Variants in PPP1R12B observed in about 807,000 individuals in gnomAD.
The protein encoded by PPP1R12B is myosin phosphatase target subunit 2.
A neutral mutation model predicts 126.1 loss-of-function variants in PPP1R12B; 76 were observed. That is an observed-to-expected ratio of 0.60 (90% CI 0.50 to 0.73). The LOEUF (loss-of-function observed/expected upper bound fraction) is 0.73. PPP1R12B is among the 30% of genes least tolerant of loss of function. The probability of loss-of-function intolerance (pLI) is 0.00; values close to 1 mark genes in which losing one functional copy is unlikely to be tolerated. For synonymous variants in PPP1R12B, 356 were observed against 434.7 expected, an observed-to-expected ratio of 0.82 and a Z score of 2.25; for missense variants, 1,052 against 1,205.1, an observed-to-expected ratio of 0.87 and a Z score of 1.88.
chr1:202,436,079 G>A (rs917223800), intron 9 of PPP1R12B, among the ~76,000 whole-genome samples: 3 of 151,838 alleles, frequency 2.0e-5, no homozygotes, highest in African/African-American at 7.3e-5. Flanking sequence ...GGGCAACATC[G>A]GAAAACCCCA....
intron 18 of PPP1R12B, among the ~76,000 whole-genome samples, chr1:202,539,183 G>A (rs2148958168): frequency 6.6e-6 from 1 of 152,282 alleles, no homozygotes; most frequent in South Asian, 2.1e-4. Context: ...ATAGTATTCG[G>A]AGCAATCAGC....
At chr1:202,366,295 G>T (rs1659220689) in intron 1 of PPP1R12B, among the ~76,000 whole-genome samples, 1 of 152,024 alleles carries the variant, frequency 6.6e-6, no homozygotes, top group African/African-American at 2.4e-5. Flanking sequence ...GAGGCGGGCA[G>T]ATCACTTGAG....
chr1:202,399,409 T>C (rs1054954863), intron 1 of PPP1R12B, among the ~76,000 whole-genome samples: 1 of 152,026 alleles, frequency 6.6e-6, no homozygotes, highest in African/African-American at 2.4e-5. Flanking sequence ...TTTGTAGAGA[T>C]GAGGGCTCAT....
In PPP1R12B at chr1:202,580,815, G is replaced by A. The variant is rs1253299042; in HGVS notation, c.*255G>A. The A allele has an allele frequency of 4.7e-6, 2 of 429,370 alleles. No homozygotes were observed. The highest frequency in any genetic ancestry group is 8.7e-6 in the Non-Finnish European group (2 of 228,910). The allele number at this position is 429,370 out of a possible 1,614,324, so 26.6% of individuals were successfully genotyped here. ...ATTGTGGTAATTCGAGCCATCTGGA[G>A]AATGCTCTGGGGAGTACACCAGGCT... is the stretch of plus-strand genomic sequence containing the variant. On this transcript the variant is annotated 3_prime_UTR_variant, in exon 24 of 24. Transcript: ENST00000608999.
rs558086940 is a variant in PPP1R12B, at chr1:202,409,555, C to T, written c.292-7232C>T. Among the ~76,000 whole-genome samples, 13 of 152,188 alleles carry T rather than the reference C, an allele frequency of 8.5e-5. No individual in the cohort carries two copies. In the South Asian group the frequency reaches 1.5e-3, roughly 17 times the overall value. ...CAGGATGGTCTCAATCTCCTGATCT[C>T]GTGATCCACCCACCTCAGCCTCCCA... On this transcript the variant is annotated intron_variant, in intron 1 of 23. Transcript: ENST00000608999.
At chr1:202,473,449 T>C (rs1443778148) in intron 13 of PPP1R12B, among the ~76,000 whole-genome samples, 1 of 152,242 alleles carries the variant, frequency 6.6e-6, no homozygotes, top group Non-Finnish European at 1.5e-5. Context: ...TGCCTGAGCC[T>C]CAAGTGAGGC....
At position 202,580,593 on chromosome 1, in the gene PPP1R12B, AC is replaced by A. The variant is rs769491831; in HGVS notation, c.*34del. 1 of 1,538,644 alleles carries A rather than the reference AC, an allele frequency of 6.5e-7. No individual in the cohort carries two copies. The highest frequency in any genetic ancestry group is 9.0e-7 in the Non-Finnish European group (1 of 1,111,164). On this transcript the variant is annotated 3_prime_UTR_variant, in exon 24 of 24. Coordinates refer to ENST00000608999, the MANE Select transcript of PPP1R12B (RefSeq NM_002481.4). Reference sequence around the variant, plus strand: ...TCCAGATTTATGAGGAAAGAAAGGGACAGCATTTGCTGCCCCCACCCCTCTT... The same window carrying A: ...TCCAGATTTATGAGGAAAGAAAGGGAAGCATTTGCTGCCCCCACCCCTCTT...
At chr1:202,389,753 C>G (rs1417658268) in intron 1 of PPP1R12B, among the ~76,000 whole-genome samples, 2 of 151,840 alleles carry the variant, frequency 1.3e-5, no homozygotes, top group South Asian at 2.1e-4. Flanking sequence ...ATAGTGAAAC[C>G]CTGTCTCTAC....
chr1:202,456,733 T>C (rs1673691836), intron 13 of PPP1R12B, among the ~76,000 whole-genome samples: 1 of 152,200 alleles, frequency 6.6e-6, no homozygotes, highest in Non-Finnish European at 1.5e-5. Context: ...TCACTATTCG[T>C]ATAGTTTAGA....
intron 10 of PPP1R12B, chr1:202,439,610 T>A (rs891831887): frequency 4.0e-6 from 4 of 999,710 alleles, no homozygotes; most frequent in African/African-American, 1.6e-5. Context: ...CCATGGACCC[T>A]GCCCTGTGCT....
intron 1 of PPP1R12B, among the ~76,000 whole-genome samples, chr1:202,362,935 G>T (rs1303488618): frequency 2.0e-5 from 3 of 152,128 alleles, no homozygotes; most frequent in Non-Finnish European, 4.4e-5. Flanking sequence ...CTGGGCTCAG[G>T]TGATTCTTGT....
chr1:202,514,044 G>A (rs999468058), intron 18 of PPP1R12B, among the ~76,000 whole-genome samples: 2 of 152,082 alleles, frequency 1.3e-5, no homozygotes, highest in African/African-American at 4.8e-5. Flanking sequence ...CTGCAACCTT[G>A]CCAGCATCTG....
chr1:202,453,273 A>G (rs554473161), intron 13 of PPP1R12B, among the ~76,000 whole-genome samples: 9 of 152,274 alleles, frequency 5.9e-5, no homozygotes, highest in South Asian at 4.2e-4. Flanking sequence ...TCAATATGAT[A>G]TATCACATTG....
chr1:202,445,054 T>A (rs1217105458), intron 12 of PPP1R12B: 1 of 1,247,174 alleles, frequency 8.0e-7, no homozygotes. Context: ...AGTGCTTCAT[T>A]TGGTAGAAGT....
chr1:202,525,380 G>A (rs1683209920), intron 18 of PPP1R12B, among the ~76,000 whole-genome samples: 1 of 151,376 alleles, frequency 6.6e-6, no homozygotes, highest in Non-Finnish European at 1.5e-5. Flanking sequence ...TTTCCAGTGT[G>A]AGTGAAAAAA....
intron 18 of PPP1R12B, chr1:202,540,207 C>T: frequency 2.5e-6 from 4 of 1,610,364 alleles, no homozygotes; most frequent in East Asian, 2.2e-5. Context: ...GATTCTCCCC[C>T]AGCATCTCCC....
chr1:202,424,123 C>T (rs899373750), intron 3 of PPP1R12B, among the ~76,000 whole-genome samples: 7 of 152,268 alleles, frequency 4.6e-5, no homozygotes, highest in East Asian at 3.9e-4. Flanking sequence ...ATTGGAGCAA[C>T]CACTTTTTCT....
intron 18 of PPP1R12B, among the ~76,000 whole-genome samples, chr1:202,555,325 G>GAAAAAAA (rs56752885): frequency 0.013 from 329 of 25,364 alleles, 82 homozygotes; most frequent in African/African-American, 0.014. Context: ...CTGTTTTAAT[G>GAAAAAAA]AAAAAAAAAA....
intron 23 of PPP1R12B, chr1:202,576,340 T>C (rs1325847205): frequency 1.3e-5 from 2 of 152,250 alleles, no homozygotes; most frequent in Non-Finnish European, 2.9e-5. Context: ...CTGAGATGAA[T>C]TTTTAATTGT....
Sources: allele counts gnomAD v4.1 joint callset (sites outside exome capture counted in the v4.1 genomes callset), GRCh38; gene constraint gnomAD v4.1.1; transcripts MANE v1.5; gene names NCBI Gene and HGNC (gene_info 2026-07-23, HGNC 2026-07-21).